The following GTF2IRD1 variants were observed in gnomAD, a reference collection of about 807,000 sequenced individuals.
GTF2IRD1 encodes general transcription factor II-I repeat domain-containing protein 1.
In GTF2IRD1, 26 loss-of-function variants were observed where a neutral mutation model predicts 113.2. The ratio of observed to expected loss-of-function variants is 0.23; its 90% CI spans 0.17 to 0.32. The LOEUF (loss-of-function observed/expected upper bound fraction) is 0.32. GTF2IRD1 is among the 10% of genes least tolerant of loss of function. GTF2IRD1 has a pLI of 1.00. For missense variants in GTF2IRD1, 864 were observed against 1,280.8 expected (o/e 0.67, Z 4.97); for synonymous variants, 484 against 529.1 (o/e 0.91, Z 1.17).
intron 17 of GTF2IRD1, among the ~76,000 whole-genome samples, chr7:74,550,755 A>T (rs1799260671): frequency 6.6e-6 from 1 of 152,110 alleles, no homozygotes; most frequent in Non-Finnish European, 1.5e-5. Context: ...AAAAAATTTT[A>T]AAAATTCTCA....
At chr7:74,515,056 C>CAA (rs782246030) in intron 3 of GTF2IRD1, among the ~76,000 whole-genome samples, 13,928 of 65,552 alleles carry the variant, frequency 0.21, 1,463 homozygotes, top group Non-Finnish European at 0.26. Flanking sequence ...GACTCTGTCT[C>CAA]AAAAAAAAAA....
At chr7:74,585,117 T>G (rs1188758843) in intron 22 of GTF2IRD1, among the ~76,000 whole-genome samples, 15 of 148,776 alleles carry the variant, frequency 1.0e-4, no homozygotes, top group African/African-American at 3.2e-4. Flanking sequence ...GGTGTTTTTT[T>G]TTTTTTTTTT....
chr7:74,581,024 G>A (rs782164284), intron 22 of GTF2IRD1, among the ~76,000 whole-genome samples: 1 of 152,030 alleles, frequency 6.6e-6, no homozygotes, highest in Admixed American at 6.6e-5. Context: ...CCTTTTCTGG[G>A]GGGGGTTGGG....
At chr7:74,565,490 A>T (rs1244293336) in intron 22 of GTF2IRD1, among the ~76,000 whole-genome samples, 1 of 151,992 alleles carries the variant, frequency 6.6e-6, no homozygotes, top group Non-Finnish European at 1.5e-5. Flanking sequence ...GCGCCATTGC[A>T]CTCCAGCTTG....
At position 74,544,763 on chromosome 7, in the gene GTF2IRD1, C is replaced by T. The variant is rs782250281; in HGVS notation, c.1627C>T (p.Leu543=). 6.2e-7 allele frequency: 1 copy of T among 1,613,956 alleles called. No individual in the cohort carries two copies. The highest frequency in any genetic ancestry group is 1.7e-5 in the Admixed American group (1 of 60,016). ...CCTCTGTTCTCTTTTAGACAAAGGT[C>T]TGAGTGAGGACGCGCGGCCCGAGGA... ...YGMEMLTDKG[L]SEDARPEERP... The change falls in exon 15 of 27, where the codon CTG becomes TTG. Residue 543 remains leucine (L), a synonymous_variant. Transcript: ENST00000424337.
intron 1 of GTF2IRD1, chr7:74,506,115 G>A (rs1796284910): frequency 6.6e-6 from 1 of 152,260 alleles, no homozygotes; most frequent in Non-Finnish European, 1.5e-5. Context: ...GCCGAGCTCT[G>A]ATGCATCTCT....
rs368366738 is a variant in GTF2IRD1 at position 74,514,572 on chromosome 7, A to G, written c.266-869A>G. 9.3e-4 allele frequency among the ~76,000 whole-genome samples: 142 copies of G among 152,082 alleles called. No homozygotes were observed. The South Asian group carries it at 0.023, about 24-fold the overall frequency. The stretch of plus-strand genomic sequence containing the variant: ...GGCCCCTCCTCTCATCTCCTTTCCA[A>G]TGCAGCTTCTAGAACATTCCCCAAG... On this transcript the variant is annotated intron_variant, in intron 3 of 26. Transcript: ENST00000424337.
chr7:74,558,267 G>A (rs1176468656), intron 20 of GTF2IRD1, among the ~76,000 whole-genome samples: 1 of 103,446 alleles, frequency 9.7e-6, no homozygotes, highest in Non-Finnish European at 1.9e-5. Context: ...CAACAAAAGC[G>A]AAACTCCGTC....
At chr7:74,493,087 T>C (rs555463865) in intron 1 of GTF2IRD1, among the ~76,000 whole-genome samples, 276 of 151,130 alleles carry the variant, frequency 1.8e-3, no homozygotes, top group African/African-American at 6.4e-3. Context: ...CCACTGTGCC[T>C]GGCATGACCT....
rs782115517 is a variant in GTF2IRD1, at chr7:74,512,784, G to A, written c.124-46G>A. On this transcript the variant is annotated intron_variant, in intron 2 of 26. Transcript: ENST00000424337. This position sits in a 1 kb window ranked among gnomAD's most constrained non-coding sequence, Gnocchi z 4.4. ...CCCGAAGTGGATACTAGAGGTGTTC[G>A]GAGTATGGGGAGCCCTTCCGCTCAC... The A allele has an allele frequency of 2.4e-5, 38 of 1,596,886 alleles. No individual in the cohort carries two copies. In the East Asian group the frequency reaches 5.4e-4, roughly 23 times the overall value.
chr7:74,535,037 T>C lies in GTF2IRD1; in HGVS notation c.1275-76T>C, dbSNP rs1798210838. The C allele has an allele frequency of 8.3e-6, 10 of 1,211,088 alleles. No individual in the cohort carries two copies. The South Asian group carries it at 1.2e-4, about 15-fold the overall frequency. 75.0% of individuals were successfully genotyped at this position (1,211,088 alleles called of 1,614,324 possible). On this transcript the variant is annotated intron_variant, in intron 9 of 26. Coordinates refer to ENST00000424337, the MANE Select transcript of GTF2IRD1 (RefSeq NM_005685.4). ...CTCAGTGACCATCACCAAAGGGGAC[T>C]GGAGGCATCTCCCCGAGCCCTGGGA... is the stretch of plus-strand genomic sequence containing the variant.
At chr7:74,581,516 C>G (rs1801419106) in intron 22 of GTF2IRD1, among the ~76,000 whole-genome samples, 1 of 152,242 alleles carries the variant, frequency 6.6e-6, no homozygotes, top group South Asian at 2.1e-4. Flanking sequence ...AGGCGATTCT[C>G]TGATCCGTGT....
intron 22 of GTF2IRD1, among the ~76,000 whole-genome samples, chr7:74,564,436 C>T (rs1800168195): frequency 6.6e-6 from 1 of 152,116 alleles, no homozygotes; most frequent in South Asian, 2.1e-4. Flanking sequence ...CACTCCTGGA[C>T]TGGTTTTGTT....
rs1035650667 is a variant in GTF2IRD1 at position 74,488,149 on chromosome 7, C to T, written c.-6-19926C>T. 3.0e-4 allele frequency among the ~76,000 whole-genome samples: 45 copies of T among 152,060 alleles called. 2 individuals are homozygous for T. The highest frequency in any genetic ancestry group is 4.4e-5 in the Non-Finnish European group (3 of 68,022). ...AAAATAAAAACTTAGCTGGGTGTGGCGACACACGCTGTGGTCCCAGCTACT... is the reference window on the plus strand; with the variant it reads ...AAAATAAAAACTTAGCTGGGTGTGGTGACACACGCTGTGGTCCCAGCTACT... On this transcript the variant is annotated intron_variant, in intron 1 of 26. Transcript: ENST00000424337.
At chr7:74,529,712 T>G (rs1179656448) in intron 8 of GTF2IRD1, 22 bp from the exon 9 acceptor site, 9 of 1,612,272 alleles carry the variant, frequency 5.6e-6, no homozygotes, top group Non-Finnish European at 7.6e-6. Context: ...CACTCAGCCT[T>G]GCTGTTTGGT....
chr7:74,547,041 CAG>C (rs1218242549), intron 16 of GTF2IRD1, 60 bp from the exon 17 acceptor site: 14 of 1,478,684 alleles, frequency 9.5e-6, no homozygotes, highest in South Asian at 1.2e-5. Context: ...GCACGGGACA[CAG>C]GGGTTGAGGC....
At chr7:74,561,665 G>A (rs1170636730) in intron 22 of GTF2IRD1, among the ~76,000 whole-genome samples, 1 of 152,138 alleles carries the variant, frequency 6.6e-6, no homozygotes, top group Non-Finnish European at 1.5e-5. Flanking sequence ...ACAGTGCAGT[G>A]AGTGTGGCTC....
chr7:74,569,092 C>T (rs1254844967), intron 22 of GTF2IRD1, among the ~76,000 whole-genome samples: 2 of 152,178 alleles, frequency 1.3e-5, no homozygotes, highest in Non-Finnish European at 2.9e-5. Context: ...CTTGCCCTTT[C>T]CCCCAACTCC....
At chr7:74,567,891 T>C (rs1402335669) in intron 22 of GTF2IRD1, among the ~76,000 whole-genome samples, 1 of 152,082 alleles carries the variant, frequency 6.6e-6, no homozygotes, top group African/African-American at 2.4e-5. Flanking sequence ...GTTCAAGTGA[T>C]TCTCCTGCCT....
Sources: gnomAD v4.1 joint callset for allele counts (sites outside exome capture counted in the v4.1 genomes callset) on GRCh38, gnomAD v4.1.1 for gene constraint, Gnocchi (gnomAD v3.1) non-coding constraint, MANE v1.5 for transcripts, NCBI Gene and HGNC (gene_info 2026-07-23, HGNC 2026-07-21) for gene names.